The following TTN variants were observed in gnomAD, a reference collection of about 807,000 sequenced individuals.
The protein encoded by TTN is titin.
TTN carries 1,525 observed loss-of-function variants against 3,223.0 expected under a neutral mutation model. The observed-to-expected ratio is 0.47, with a 90% CI of 0.45 to 0.49. The LOEUF is 0.49. Among genes scored for constraint, TTN ranks in the 20% least tolerant of loss-of-function variants. TTN has a pLI of 0.00. For synonymous variants in TTN, 14,094 were observed against 15,161.0 expected, an observed-to-expected ratio of 0.93 and a Z score of 5.17; for missense variants, 40,786 against 43,424.0, an observed-to-expected ratio of 0.94 and a Z score of 5.40.
intron 222 of TTN, 99 bp from the exon 223 acceptor site, chr2:178,639,887 T>G: frequency 6.9e-7 from 1 of 1,442,534 alleles, no homozygotes; most frequent in Non-Finnish European, 9.4e-7. Flanking sequence ...TTTGAAATCT[T>G]CAAATAACTA....
chr2:178,575,510 A>T lies in TTN; in HGVS notation c.70622T>A (p.Ile23541Asn). 1 of 1,613,616 alleles carries T rather than the reference A, an allele frequency of 6.2e-7. No individual in the cohort carries two copies. The highest frequency in any genetic ancestry group is 1.1e-5 in the South Asian group (1 of 91,064). Reference protein sequence around the residue: ...EAPSPPDSLNIMDITKSTVSL... With the variant: ...EAPSPPDSLNNMDITKSTVSL... ...GACGGTGCTCTTAGTTATGTCCATG[A>T]TGTTAAGGCTGTCTGGTGGAGATGG... Residue 23541 changes from isoleucine to asparagine, a missense_variant, in exon 326 of 363, where the codon ATC (isoleucine) becomes AAC (asparagine). Transcript: ENST00000589042. The surrounding 1 kb of genome is among the most constrained non-coding windows in gnomAD (Gnocchi z 4.0).
rs2060028411 is a variant in TTN at position 178,633,285 on chromosome 2, C to T, written c.42988G>A (p.Val14330Met). The T allele has an allele frequency of 6.2e-7, 1 of 1,613,272 alleles. No individual in the cohort carries two copies. Among genetic ancestry groups the T allele is most frequent in the Non-Finnish European group, 8.5e-7 (1 of 1,179,528 alleles). The change falls in exon 233 of 363, where the codon GTG becomes ATG. Residue 14330 changes from valine to methionine, a missense_variant. Physicochemically the swap from Val to Met is conservative, Grantham distance 21 (BLOSUM62 1). Coordinates refer to ENST00000589042, the MANE Select transcript of TTN (RefSeq NM_001267550.2). ...AAGTGGGCTGTTTCACCAACAAACA[C>T]CTCTACTCCGTACAGAGGCTTTTCC... Reference protein sequence around the residue: ...KVEKPLYGVEVFVGETAHFEI... With the variant: ...KVEKPLYGVEMFVGETAHFEI...
Position 178,663,866 on chromosome 2 carries a change from T to G in TTN, c.36401A>C (p.Lys12134Thr). Residue 12134 changes from lysine to threonine, a missense_variant, in exon 170 of 363, where the codon AAA becomes ACA. Lys to Thr is a moderately conservative substitution (Grantham distance 78, BLOSUM62 -1). Transcript: ENST00000589042. ...CTCTTTAGGAGGAGCCAAGGGCACT[T>G]TCTCTTCGCGGATAACCTCTTTGGA... ...EASKEVIREEKVPLAPPKEPE... is the reference protein window; with the variant it reads ...EASKEVIREETVPLAPPKEPE... 1 of 1,613,412 alleles carries G rather than the reference T, an allele frequency of 6.2e-7. No homozygotes were observed. Among genetic ancestry groups the G allele is most frequent in the Non-Finnish European group, 8.5e-7 (1 of 1,179,818 alleles).
At position 178,579,080 on chromosome 2, in the gene TTN, T is replaced by C; in HGVS notation, c.67950A>G (p.Pro22650=). ...CTGCTGTGACTTCATCAAATTTGAT[T>C]GGTCCAGTGGGGATGCCAGGCTTGC... is the stretch of plus-strand genomic sequence containing the variant. ...VVGKPGIPTG[P]IKFDEVTAEA... is the part of the protein sequence containing the mutation. Residue 22650 remains proline, a synonymous_variant, in exon 320 of 363, where the codon CCA becomes CCG. Transcript: ENST00000589042. The C allele has an allele frequency of 6.2e-7, 1 of 1,613,360 alleles. No homozygotes were observed. The highest frequency in any genetic ancestry group is 8.5e-7 in the Non-Finnish European group (1 of 1,179,542).
In TTN at chr2:178,534,587, T is replaced by G. The variant is rs727503534; in HGVS notation, c.102028A>C (p.Ser34010Arg). The change falls in exon 358 of 363, where the codon AGT (serine) becomes CGT (arginine). Residue 34010 changes from serine (S) to arginine (R), a missense_variant. By Grantham distance (110) the Ser-to-Arg change is moderately radical (BLOSUM62 -1). Transcript: ENST00000589042. ...SLGTLVYVLL[S>R]GINPFLAETN... The stretch of plus-strand genomic sequence containing the variant: ...TCAGCCAGGAATGGGTTGATACCAC[T>G]CAATAGCACATATACCAGTGTTCCA... The G allele has an allele frequency of 1.9e-6, 3 of 1,613,770 alleles. No individual in the cohort carries two copies. The South Asian group carries it at 3.3e-5, about 18-fold the overall frequency.
Position 178,726,983 on chromosome 2 carries a change from A to G in TTN, c.20275+107T>C, listed in dbSNP as rs182718420. 4.4e-3 allele frequency: 5,102 copies of G among 1,156,912 alleles called. 47 individuals are homozygous for G. The highest frequency in any genetic ancestry group is 0.029 in the Middle Eastern group (134 of 4,574). The allele number at this position is 1,156,912 out of a possible 1,614,324, so 71.7% of individuals were successfully genotyped here. ...TAATACTAGCTCAGAAAAATATTCT[A>G]TGATCTCAAATGGAAACTAAAATGA... On this transcript the variant is annotated intron_variant, in intron 69 of 362. Coordinates refer to ENST00000589042, the MANE Select transcript of TTN (RefSeq NM_001267550.2).
Position 178,592,246 on chromosome 2 carries a change from G to C in TTN, c.59658C>G (p.Val19886=), listed in dbSNP as rs1370081142. The C allele has an allele frequency of 6.2e-7, 1 of 1,611,584 alleles. No individual in the cohort carries two copies. The highest frequency in any genetic ancestry group is 8.5e-7 in the Non-Finnish European group (1 of 1,178,916). The change falls in exon 302 of 363, where the codon GTC becomes GTG. Residue 19886 remains valine, a synonymous_variant. Coordinates refer to ENST00000589042, the MANE Select transcript of TTN (RefSeq NM_001267550.2). ...DKPGPPRDLE[V]SEIRKDSCYL... is the part of the protein sequence containing the mutation. ...AACATGAATCTTTCCTAATTTCACT[G>C]ACTTCCAGATCTCTAGGTGGCCCAG...
rs1241466221 is a variant in TTN at position 178,530,329 on chromosome 2, G to A, written c.106286C>T (p.Thr35429Ile). 6.2e-7 allele frequency: 1 copy of A among 1,613,872 alleles called. No homozygotes were observed. The highest frequency in any genetic ancestry group is 1.3e-5 in the African/African-American group (1 of 74,928). The change falls in exon 358 of 363, where the codon ACA (threonine) becomes ATA (isoleucine). Residue 35429 changes from threonine to isoleucine, a missense_variant. Thr to Ile is a moderately conservative substitution (Grantham distance 89). Transcript: ENST00000589042. ...AGCAACACTGTCTGAAGAAACAGTT[G>A]TATCCTGCAACCCAGTAACAATTAC... Reference protein sequence around the residue: ...KPVIVTGLQDTTVSSDSVAKF... With the variant: ...KPVIVTGLQDITVSSDSVAKF...
Position 178,801,400 on chromosome 2 carries a change from G to A in TTN, c.296-718C>T, listed in dbSNP as rs539783912. On this transcript the variant is annotated intron_variant, in intron 3 of 362. Coordinates refer to ENST00000589042, the MANE Select transcript of TTN (RefSeq NM_001267550.2). ...CATTTTCCATTTGTGAATTTTCTGGGTGCATGCTAAAGTTCTACCTGATGT... is the reference window on the plus strand; with the variant it reads ...CATTTTCCATTTGTGAATTTTCTGGATGCATGCTAAAGTTCTACCTGATGT... Among the ~76,000 whole-genome samples the A allele has an allele frequency of 1.2e-4, 18 of 152,260 alleles. No individual in the cohort carries two copies. In the South Asian group the frequency reaches 3.5e-3, roughly 30 times the overall value.
At chr2:178,709,523 G>C in intron 99 of TTN, 43 bp downstream of exon 99, 1 of 1,564,440 alleles carries the variant, frequency 6.4e-7, no homozygotes, top group Non-Finnish European at 8.7e-7. Context: ...ATAACAGGCA[G>C]TGAAGAAAAA....
Position 178,549,684 on chromosome 2 carries a change from T to G in TTN, c.92038A>C (p.Thr30680Pro), listed in dbSNP as rs1206813558. The G allele has an allele frequency of 6.2e-7, 1 of 1,613,820 alleles. No homozygotes were observed. The highest frequency in any genetic ancestry group is 1.1e-5 in the South Asian group (1 of 91,080). Reference sequence around the variant, plus strand: ...TTGCCGTTTATTAGTTTAATGGCAGTGTAACTTTGGGCTTCACATTTATCC... The same window carrying G: ...TTGCCGTTTATTAGTTTAATGGCAGGGTAACTTTGGGCTTCACATTTATCC... ...IEDKCEAQSY[T>P]AIKLINGNEY... is the part of the protein sequence containing the mutation. Residue 30680 changes from threonine (T) to proline (P), a missense_variant, in exon 338 of 363, where the codon ACT becomes CCT. Thr to Pro is a conservative substitution (Grantham distance 38). Coordinates refer to ENST00000589042, the MANE Select transcript of TTN (RefSeq NM_001267550.2).
chr2:178,553,170 A>G lies in TTN; in HGVS notation c.89730T>C (p.Tyr29910=), dbSNP rs2154151804. ...PQVTRNDTGK[Y]ILTIENGVGE... ...CAACTCCATTTTCTATTGTGAGAAT[A>G]TATTTTCCTGTATCATTGCGAGTAA... Residue 29910 remains tyrosine, a synonymous_variant, in exon 335 of 363, where the codon TAT becomes TAC. Coordinates refer to ENST00000589042, the MANE Select transcript of TTN (RefSeq NM_001267550.2). 6.2e-7 allele frequency: 1 copy of G among 1,613,820 alleles called. No homozygotes were observed. Among genetic ancestry groups the G allele is most frequent in the Non-Finnish European group, 8.5e-7 (1 of 1,179,760 alleles).
intron 306 of TTN, 25 bp from the exon 307 acceptor site, chr2:178,587,442 A>G: frequency 6.2e-7 from 1 of 1,603,022 alleles, no homozygotes. Context: ...AAAATCAGAT[A>G]TACATGTCTC....
In TTN at chr2:178,731,557, C is replaced by G. The variant is rs575592774; in HGVS notation, c.17209G>C (p.Glu5737Gln). ...REPPSFIKKI[E>Q]STSSLRGGTA... ...CCTCCCCGGAGGGAGCTGGTACTCT[C>G]GATCTTCTTTATGAAGGATGGGGGT... is the stretch of plus-strand genomic sequence containing the variant. Residue 5737 changes from glutamate to glutamine, a missense_variant, in exon 59 of 363, where the codon GAG (glutamate) becomes CAG (glutamine). By Grantham distance (29) the Glu-to-Gln change is conservative (BLOSUM62 2). Coordinates refer to ENST00000589042, the MANE Select transcript of TTN (RefSeq NM_001267550.2). 1 of 1,608,106 alleles carries G rather than the reference C, an allele frequency of 6.2e-7. No homozygotes were observed.
chr2:178,607,995 C>G lies in TTN; in HGVS notation c.52792G>C (p.Gly17598Arg), dbSNP rs771936047. 9 of 1,612,792 alleles carry G rather than the reference C, an allele frequency of 5.6e-6. No individual in the cohort carries two copies. The Middle Eastern group carries it at 8.2e-4, about 148-fold the overall frequency. ...LEWEPPAFNG[G>R]GEIVGYFVDK... The stretch of plus-strand genomic sequence containing the variant: ...ACAAAATAGCCAACAATTTCCCCAC[C>G]ACCATTGAAAGCTGGGGGTTCCCAT... Residue 17598 changes from glycine to arginine, a missense_variant, in exon 276 of 363, where the codon GGT becomes CGT. Coordinates refer to ENST00000589042, the MANE Select transcript of TTN (RefSeq NM_001267550.2).
Position 178,582,403 on chromosome 2 carries a change from T to C in TTN, c.66053A>G (p.Glu22018Gly). 1 of 1,612,896 alleles carries C rather than the reference T, an allele frequency of 6.2e-7. No homozygotes were observed. The highest frequency in any genetic ancestry group is 8.5e-7 in the Non-Finnish European group (1 of 1,179,328). ...ATVPITSCSV[E>G]KLIEGHEYQF... ...ATACTCATGGCCCTCTATAAGTTTC[T>C]CCACGCTGCAGCTGGTGATAGGCAC... The change falls in exon 314 of 363, where the codon GAG becomes GGG. Residue 22018 changes from glutamate to glycine, a missense_variant. Transcript: ENST00000589042.
At chr2:178,695,165 A>C (rs1300657109) in intron 115 of TTN, among the ~76,000 whole-genome samples, 183 bp downstream of exon 115, 1 of 151,826 alleles carries the variant, frequency 6.6e-6, no homozygotes, top group Admixed American at 6.6e-5. Context: ...AATTTTTATC[A>C]TCTTTTGATT....
rs372276487 is a variant in TTN at position 178,527,292 on chromosome 2, A to G, written c.107696T>C (p.Ile35899Thr). The change falls in exon 363 of 363, where the codon ATT becomes ACT. Residue 35899 changes from isoleucine (I) to threonine (T), a missense_variant. By Grantham distance (89) the Ile-to-Thr change is moderately conservative. Transcript: ENST00000589042. ...GCTGATATCAGATGGAAGAGCTTCA[A>G]TTTTAGGCGGAATTCCTTTATGGAA... The part of the protein sequence containing the change: ...KAGIRGIPPK[I>T]EALPSDISID... The G allele has an allele frequency of 1.9e-5, 31 of 1,594,538 alleles. No individual in the cohort carries two copies. The highest frequency in any genetic ancestry group is 1.8e-4 in the African/African-American group (13 of 73,950).
rs727504968 is a variant in TTN, at chr2:178,590,576, C to G, written c.61149G>C (p.Lys20383Asn). The change falls in exon 304 of 363, where the codon AAG becomes AAC. Residue 20383 changes from lysine to asparagine, a missense_variant. Physicochemically the swap from Lys to Asn is moderately conservative, Grantham distance 94 (BLOSUM62 0). Coordinates refer to ENST00000589042, the MANE Select transcript of TTN (RefSeq NM_001267550.2). ...ACACCAAATCAGCTGTTTCTCTGCT[C>G]TTGTCTTTCAGTTTAGGATTAATAG... is the stretch of plus-strand genomic sequence containing the variant. ...GPPINPKLKDKSRETADLVWT... is the reference protein window; with the variant it reads ...GPPINPKLKDNSRETADLVWT... 3.1e-6 allele frequency: 5 copies of G among 1,612,430 alleles called. No individual in the cohort carries two copies. The African/African-American group carries it at 6.7e-5, about 22-fold the overall frequency.
Sources: allele counts gnomAD v4.1 joint callset (sites outside exome capture counted in the v4.1 genomes callset), GRCh38; gene constraint gnomAD v4.1.1; non-coding constraint Gnocchi (gnomAD v3.1); transcripts MANE v1.5; gene names NCBI Gene and HGNC (gene_info 2026-07-23, HGNC 2026-07-21).